Variants in IL12RB2 observed in about 807,000 individuals in gnomAD.
The protein encoded by IL12RB2 is interleukin 12 receptor subunit beta 2.
IL12RB2 carries 82 observed loss-of-function variants against 89.4 expected under a neutral mutation model. The observed-to-expected ratio is 0.92, with a 90% CI of 0.77 to 1.10. IL12RB2 has a LOEUF of 1.10. IL12RB2 is among the 50% of genes least tolerant of loss of function. IL12RB2 has a pLI of 0.00. For synonymous variants in IL12RB2, 368 were observed against 370.1 expected (o/e 0.99, Z 0.07); for missense variants, 963 against 1,031.9 (o/e 0.93, Z 0.92).
intron 1 of IL12RB2, 38 bp from the exon 2 acceptor site, chr1:67,313,875 T>C (rs1198657760): frequency 2.6e-5 from 4 of 151,364 alleles, no homozygotes; most frequent in African/African-American, 9.7e-5. Flanking sequence ...GATTTTGCTA[T>C]TAATGTGAAC....
At chr1:67,355,595 C>T (rs1319197343) in intron 10 of IL12RB2, among the ~76,000 whole-genome samples, 1 of 152,010 alleles carries the variant, frequency 6.6e-6, no homozygotes, top group Non-Finnish European at 1.5e-5. Flanking sequence ...GAGACTGGGG[C>T]CCAAGGAGGT....
rs200712678 is a variant in IL12RB2, at chr1:67,320,383, T to A, written c.15T>A (p.Phe5Leu). Residue 5 changes from phenylalanine (F) to leucine (L), a missense_variant, in exon 3 of 17, where the codon TTT becomes TTA. Phe to Leu is a conservative substitution (Grantham distance 22). Transcript: ENST00000674203. MAHT[F>L]RGCSLAFMFI... ...GTTGATTGTTGATGGCACATACTTT[T>A]AGAGGATGCTCATTGGCATTTATGT... is the stretch of plus-strand genomic sequence containing the variant. 2.9e-5 allele frequency: 46 copies of A among 1,613,994 alleles called. No individual in the cohort carries two copies. Among genetic ancestry groups the A allele is most frequent in the Non-Finnish European group, 2.5e-5 (29 of 1,179,936 alleles).
intron 4 of IL12RB2, among the ~76,000 whole-genome samples, chr1:67,322,250 A>C (rs1656645107): frequency 6.6e-6 from 1 of 152,126 alleles, no homozygotes; most frequent in Non-Finnish European, 1.5e-5. Context: ...TTTTAGACTT[A>C]TGCAGCCCAG....
chr1:67,330,161 G>A (rs1237101879), intron 7 of IL12RB2, among the ~76,000 whole-genome samples: 1 of 151,958 alleles, frequency 6.6e-6, no homozygotes, highest in African/African-American at 2.4e-5. Context: ...AAAAGGTATA[G>A]GATTATGATT....
At chr1:67,356,988 C>G (rs1294203441) in intron 10 of IL12RB2, among the ~76,000 whole-genome samples, 1 of 151,876 alleles carries the variant, frequency 6.6e-6, no homozygotes, top group Admixed American at 6.6e-5. Flanking sequence ...TGAAGAAAAC[C>G]CAAACAGAGT....
At chr1:67,331,192 G>A (rs1330479700) in intron 8 of IL12RB2, among the ~76,000 whole-genome samples, 1 of 152,162 alleles carries the variant, frequency 6.6e-6, no homozygotes, top group African/African-American at 2.4e-5. Context: ...GAAAAGTAAT[G>A]TGGCTCAATA....
intron 1 of IL12RB2, among the ~76,000 whole-genome samples, chr1:67,312,864 C>T (rs756203271): frequency 3.3e-5 from 5 of 152,204 alleles, no homozygotes; most frequent in African/African-American, 9.7e-5. Context: ...CAGGCAGCCT[C>T]GTCAGCTGCA....
Position 67,344,547 on chromosome 1 carries a change from C to T in IL12RB2, c.1038+5844C>T, listed in dbSNP as rs188503152. On this transcript the variant is annotated intron_variant, in intron 9 of 16. Transcript: ENST00000674203. Reference sequence around the variant, plus strand: ...ATCTCAAGTGATCCTCCTGCCTCAGCCTCCCAAAGTGCTGGGATTACAGGC... The same window carrying T: ...ATCTCAAGTGATCCTCCTGCCTCAGTCTCCCAAAGTGCTGGGATTACAGGC... Among the ~76,000 whole-genome samples the T allele has an allele frequency of 3.6e-3, 555 of 152,318 alleles. 2 individuals are homozygous for T. The highest frequency in any genetic ancestry group is 0.013 in the African/African-American group (532 of 41,568).
At chr1:67,355,422 G>GA (rs1171395256) in intron 10 of IL12RB2, among the ~76,000 whole-genome samples, 11,840 of 94,236 alleles carry the variant, frequency 0.13, 633 homozygotes, top group Middle Eastern at 0.2. Flanking sequence ...GTCTCAAAAA[G>GA]AAAAAAAAAA....
intron 9 of IL12RB2, among the ~76,000 whole-genome samples, chr1:67,339,261 C>A (rs1006859664): frequency 1.3e-5 from 2 of 151,940 alleles, no homozygotes; most frequent in South Asian, 2.1e-4. Flanking sequence ...CCAAGGCAGG[C>A]GGATCACTTG....
chr1:67,312,701 G>C (rs1199789247), intron 1 of IL12RB2, among the ~76,000 whole-genome samples: 1 of 147,252 alleles, frequency 6.8e-6, no homozygotes, highest in Non-Finnish European at 1.5e-5. Context: ...AGAGGGAAAG[G>C]AGAAAACACA....
At chr1:67,372,080 G>GTC (rs1177485645) in intron 11 of IL12RB2, among the ~76,000 whole-genome samples, 5 of 151,158 alleles carry the variant, frequency 3.3e-5, no homozygotes, top group South Asian at 2.1e-4. Context: ...GTGTGTGTCT[G>GTC]TGTGTGTGTG....
chr1:67,316,421 A>AGTGT (rs71062410), intron 2 of IL12RB2, among the ~76,000 whole-genome samples: 10,696 of 146,148 alleles, frequency 0.073, 416 homozygotes, highest in Middle Eastern at 0.085. Flanking sequence ...TCCCCAGAGT[A>AGTGT]GTGTGTGTGT....
At chr1:67,376,034 C>T (rs941589769) in intron 13 of IL12RB2, among the ~76,000 whole-genome samples, 2 of 151,780 alleles carry the variant, frequency 1.3e-5, no homozygotes, top group African/African-American at 2.4e-5. Flanking sequence ...TTTTAGTAGA[C>T]ACGGGGTTTC....
At chr1:67,316,718 G>C (rs1051884683) in intron 2 of IL12RB2, among the ~76,000 whole-genome samples, 5 of 152,132 alleles carry the variant, frequency 3.3e-5, no homozygotes, top group Non-Finnish European at 5.9e-5. Flanking sequence ...CCTCCAGGCT[G>C]TGCATTCACC....
At position 67,369,905 on chromosome 1, in the gene IL12RB2, C is replaced by T. The variant is rs555289481; in HGVS notation, c.1459+1880C>T. ...GGCGTGGTGGTGGGCGCCTATAATC[C>T]CAGCTACTTGGGAGGCTAAGGCAAG... is the stretch of plus-strand genomic sequence containing the variant. On this transcript the variant is annotated intron_variant, in intron 11 of 16. Transcript: ENST00000674203. Among the ~76,000 whole-genome samples the T allele has an allele frequency of 5.3e-5, 8 of 151,612 alleles. No homozygotes were observed. In the South Asian group the frequency reaches 1.7e-3, roughly 32 times the overall value.
chr1:67,321,023 C>G (rs1231982917), intron 3 of IL12RB2, among the ~76,000 whole-genome samples: 11 of 147,720 alleles, frequency 7.4e-5, no homozygotes, highest in Admixed American at 4.2e-4. Context: ...TTGGTTTGTT[C>G]AGCACGTTTT....
intron 8 of IL12RB2, among the ~76,000 whole-genome samples, chr1:67,333,321 G>A (rs1299827483): frequency 2.0e-5 from 3 of 150,072 alleles, no homozygotes; most frequent in African/African-American, 7.4e-5. Context: ...TTTTTAACAC[G>A]TCTTCCTTTT....
At chr1:67,331,039 G>A (rs767327513) in intron 8 of IL12RB2, among the ~76,000 whole-genome samples, 2 of 152,180 alleles carry the variant, frequency 1.3e-5, no homozygotes, top group African/African-American at 4.8e-5. Flanking sequence ...TTCTACTCCT[G>A]TTTGCTATCA....
Sources: gnomAD v4.1 joint callset for allele counts (sites outside exome capture counted in the v4.1 genomes callset) on GRCh38, gnomAD v4.1.1 for gene constraint, MANE v1.5 for transcripts, NCBI Gene and HGNC (gene_info 2026-07-23, HGNC 2026-07-21) for gene names.